The following C10orf143 variants were observed in gnomAD, a reference collection of about 807,000 sequenced individuals.
C10orf143 encodes the protein uncharacterized protein C10orf143.
chr10:130,064,349 A>G lies in C10orf143; in HGVS notation c.*5T>C. 1 of 398,624 alleles carries G rather than the reference A, an allele frequency of 2.5e-6. No individual in the cohort carries two copies. 24.7% of individuals were successfully genotyped at this position (398,624 alleles called of 1,614,324 possible). ...TGGGACCTTCTTTTTTCCAGCTTGC[A>G]TCTTCTAATGATTCTTGGTATGGCT... On this transcript the variant is annotated 3_prime_UTR_variant, in exon 4 of 4. Transcript: ENST00000637128.
downstream of C10orf143, among the ~76,000 whole-genome samples, chr10:130,060,924 G>A (rs1465014955): frequency 6.6e-6 from 1 of 151,848 alleles, no homozygotes; most frequent in Non-Finnish European, 1.5e-5. Flanking sequence ...GATGGCTTGA[G>A]CCCAGAAGTT....
intron 1 of C10orf143, among the ~76,000 whole-genome samples, chr10:130,102,598 T>A (rs1590035868): frequency 1.3e-5 from 2 of 152,198 alleles, no homozygotes; most frequent in Non-Finnish European, 1.5e-5. Flanking sequence ...ATTTTCTATA[T>A]CCTTAATAAT....
chr10:130,067,624 C>A (rs971402260), intron 3 of C10orf143: 3 of 152,162 alleles, frequency 2.0e-5, no homozygotes, highest in African/African-American at 7.2e-5. Context: ...TCTTTACTAC[C>A]ACAAAACACT....
At chr10:130,106,911 A>G (rs748568952) in intron 1 of C10orf143, 1 of 1,031,186 alleles carries the variant, frequency 9.7e-7, no homozygotes, top group South Asian at 1.3e-5. Flanking sequence ...ACGGATGATG[A>G]TAACTTAGAA....
chr10:130,078,222 C>T (rs1455607459), intron 3 of C10orf143, among the ~76,000 whole-genome samples: 1 of 151,906 alleles, frequency 6.6e-6, no homozygotes, highest in Non-Finnish European at 1.5e-5. Flanking sequence ...TTCTTTAAGC[C>T]ATTCATGCCA....
intron 3 of C10orf143, among the ~76,000 whole-genome samples, chr10:130,057,976 G>A (rs961788255): frequency 1.3e-5 from 2 of 152,174 alleles, no homozygotes; most frequent in East Asian, 1.9e-4. Context: ...TCCTAGACTG[G>A]CAAGGTAAAC....
Position 130,106,837 on chromosome 10 carries a change from C to A in C10orf143, c.69+3867G>T, listed in dbSNP as rs770479166. On this transcript the variant is annotated intron_variant, in intron 1 of 3. Coordinates refer to ENST00000637128, the MANE Select transcript of C10orf143 (RefSeq NM_001355042.2). ...TTCTAAATGATAAAGAAAATCACAT[C>A]AAGACTCTGACTGAACATTTGCTAA... The A allele has an allele frequency of 6.9e-6, 8 of 1,166,806 alleles. No homozygotes were observed. In the Admixed American group the frequency reaches 1.4e-4, roughly 20 times the overall value. The allele number at this position is 1,166,806 out of a possible 1,614,324, so 72.3% of individuals were successfully genotyped here.
chr10:130,087,690 G>C (rs1004640925), intron 1 of C10orf143, among the ~76,000 whole-genome samples: 1 of 152,206 alleles, frequency 6.6e-6, no homozygotes. Flanking sequence ...AGACCTAACA[G>C]TTTGCCAGAG....
chr10:130,079,644 C>T lies in C10orf143; in HGVS notation c.235-16G>A, dbSNP rs1861173487. 1.0e-5 allele frequency: 4 copies of T among 399,086 alleles called. No homozygotes were observed. Among genetic ancestry groups the T allele is most frequent in the Non-Finnish European group, 1.8e-5 (4 of 226,086 alleles). 24.7% of individuals were successfully genotyped at this position (399,086 alleles called of 1,614,324 possible). On this transcript the variant is annotated splice_polypyrimidine_tract_variant and intron_variant, in intron 2 of 3. Coordinates refer to ENST00000637128, the MANE Select transcript of C10orf143 (RefSeq NM_001355042.2). ...TCTGAGAAATCTAGTTAACAAATCA[C>T]AGTTGCAGATATATCAGAACAATGA...
intron 3 of C10orf143, among the ~76,000 whole-genome samples, chr10:130,075,228 T>C (rs1861096116): frequency 6.6e-6 from 1 of 152,134 alleles, no homozygotes; most frequent in South Asian, 2.1e-4. Flanking sequence ...CCCGTTTGAG[T>C]AATAAAAACC....
At chr10:130,109,574 T>C (rs1861724274) in intron 1 of C10orf143, among the ~76,000 whole-genome samples, 1 of 152,172 alleles carries the variant, frequency 6.6e-6, no homozygotes, top group African/African-American at 2.4e-5. Flanking sequence ...TGTACTATAC[T>C]ATTACTATAC....
intron 1 of C10orf143, among the ~76,000 whole-genome samples, chr10:130,101,569 A>C (rs1372698371): frequency 6.6e-6 from 1 of 152,066 alleles, no homozygotes; most frequent in African/African-American, 2.4e-5. Flanking sequence ...AATAAGGATA[A>C]AATTAAGATT....
At chr10:130,108,626 T>C in intron 1 of C10orf143, 1 of 503,322 alleles carries the variant, frequency 2.0e-6, no homozygotes, top group Admixed American at 3.5e-5. Flanking sequence ...GTAAATTATT[T>C]CCATTGTATT....
chr10:130,052,781 A>G (rs1860751328), intron 3 of C10orf143, among the ~76,000 whole-genome samples: 1 of 152,262 alleles, frequency 6.6e-6, no homozygotes, highest in African/African-American at 2.4e-5. Flanking sequence ...TGGTCCTCTC[A>G]GTACCCTTGA....
At chr10:130,045,870 G>A (rs1357909233) in intron 3 of C10orf143, among the ~76,000 whole-genome samples, 1 of 152,190 alleles carries the variant, frequency 6.6e-6, no homozygotes, top group Admixed American at 6.5e-5. Flanking sequence ...GGCTGTTGTG[G>A]GGAATCCGTC....
chr10:130,094,769 C>T (rs1861437303), intron 1 of C10orf143, among the ~76,000 whole-genome samples: 1 of 152,196 alleles, frequency 6.6e-6, no homozygotes, highest in South Asian at 2.1e-4. Context: ...CAGCCAATGT[C>T]ATACTGAATG....
At chr10:130,040,833 A>G (rs539158638) in intron 3 of C10orf143, among the ~76,000 whole-genome samples, 4 of 152,070 alleles carry the variant, frequency 2.6e-5, no homozygotes, top group African/African-American at 9.6e-5. Context: ...AAAAAAAGAA[A>G]AAAAAAAAAG....
At chr10:130,036,871 A>G (rs958476303) in intron 3 of C10orf143, among the ~76,000 whole-genome samples, 2 of 152,054 alleles carry the variant, frequency 1.3e-5, no homozygotes, top group Non-Finnish European at 2.9e-5. Flanking sequence ...AGCGCCCAGC[A>G]TCCCGCACTT....
At chr10:130,105,759 A>G (rs1861631538) in intron 1 of C10orf143, among the ~76,000 whole-genome samples, 1 of 151,864 alleles carries the variant, frequency 6.6e-6, no homozygotes, top group South Asian at 2.1e-4. Flanking sequence ...ACAAAACAAA[A>G]CAAAACTCCC....
Sources: allele counts gnomAD v4.1 joint callset (sites outside exome capture counted in the v4.1 genomes callset), GRCh38; gene constraint gnomAD v4.1.1; transcripts MANE v1.5; gene names NCBI Gene and HGNC (gene_info 2026-07-23, HGNC 2026-07-21).